The following NCOA6 variants were observed in gnomAD, a reference collection of about 807,000 sequenced individuals.
NCOA6 encodes the protein NRC RAP250.
Under a neutral mutation model 171.4 loss-of-function variants are expected in NCOA6, and 49 were observed. That is an observed-to-expected ratio of 0.29 (90% CI 0.23 to 0.36). The LOEUF (loss-of-function observed/expected upper bound fraction) is 0.36. NCOA6 is among the 10% of genes least tolerant of loss of function. NCOA6 has a pLI of 1.00. For synonymous variants in NCOA6, 910 were observed against 927.5 expected, an observed-to-expected ratio of 0.98 and a Z score of 0.34; for missense variants, 2,248 against 2,554.5, an observed-to-expected ratio of 0.88 and a Z score of 2.59.
Position 34,715,099 on chromosome 20 carries a change from A to T in NCOA6, c.*223T>A. ...TGGCATTAGCTCCTTTCAATACAAG[A>T]CAACATTTTAGAAACCTTGAACTTC... is the stretch of plus-strand genomic sequence containing the variant. On this transcript the variant is annotated 3_prime_UTR_variant, in exon 15 of 15. Coordinates refer to ENST00000359003, the MANE Select transcript of NCOA6 (RefSeq NM_014071.5). 3.9e-6 allele frequency: 2 copies of T among 515,646 alleles called. No homozygotes were observed. Among genetic ancestry groups the T allele is most frequent in the Non-Finnish European group, 7.0e-6 (2 of 284,996 alleles). 31.9% of individuals were successfully genotyped at this position (515,646 alleles called of 1,614,324 possible). A position where few individuals can be genotyped will look rare whatever the true frequency, so the allele number is the denominator to read the frequency against.
intron 14 of NCOA6, among the ~76,000 whole-genome samples, chr20:34,723,264 A>G (rs1989591681): frequency 6.6e-6 from 1 of 152,178 alleles, no homozygotes. Flanking sequence ...CTCCAGGCAG[A>G]TAGTGTCAGA....
intron 8 of NCOA6, among the ~76,000 whole-genome samples, chr20:34,754,192 A>G (rs1393171563): frequency 1.3e-5 from 2 of 152,230 alleles, no homozygotes; most frequent in African/African-American, 4.8e-5. Flanking sequence ...AAAAAGTTGC[A>G]GTTGTCCAAA....
chr20:34,791,410 A>T (rs2077879400), intron 2 of NCOA6, among the ~76,000 whole-genome samples: 1 of 152,216 alleles, frequency 6.6e-6, no homozygotes, highest in Non-Finnish European at 1.5e-5. Context: ...TACATAGAAG[A>T]GTAGCTGCTT....
At chr20:34,739,806 A>C (rs1287962499) in intron 11 of NCOA6, among the ~76,000 whole-genome samples, 1 of 152,150 alleles carries the variant, frequency 6.6e-6, no homozygotes, top group Non-Finnish European at 1.5e-5. Flanking sequence ...AAATTGAAAA[A>C]CTTATATAAA....
chr20:34,807,270 T>C (rs992764915), intron 1 of NCOA6, among the ~76,000 whole-genome samples: 4 of 152,110 alleles, frequency 2.6e-5, no homozygotes, highest in Non-Finnish European at 4.4e-5. Flanking sequence ...CCAACCAAGT[T>C]AGTTTGGAAA....
In NCOA6 at chr20:34,750,188, A is replaced by G. The variant is rs143669257; in HGVS notation, c.2007T>C (p.Asn669=). The G allele has an allele frequency of 2.1e-4, 340 of 1,611,404 alleles. No homozygotes were observed. Among genetic ancestry groups the G allele is most frequent in the Non-Finnish European group, 2.7e-4 (319 of 1,178,592 alleles). ...TCATCCTTTGGGGCGAGGGCCCAAG[A>G]TTTTGGCTCGGGGGGTTCACCATCA... is the stretch of plus-strand genomic sequence containing the variant. ...GQMMVNPPSQ[N]LGPSPQRMTP... is the part of the protein sequence containing the mutation. Residue 669 remains asparagine (N), a synonymous_variant, in exon 9 of 15, where the codon AAT becomes AAC. Coordinates refer to ENST00000359003, the MANE Select transcript of NCOA6 (RefSeq NM_014071.5).
chr20:34,782,709 A>G lies in NCOA6; in HGVS notation c.-49-305T>C, dbSNP rs570425462. ...GATCACAAGAAAATAAAACAAGTAC[A>G]TACTTTTTGAGAATTATAGGCCTTT... On this transcript the variant is annotated intron_variant, in intron 2 of 14. Transcript: ENST00000359003. Among the ~76,000 whole-genome samples, 3 of 152,308 alleles carry G rather than the reference A, an allele frequency of 2.0e-5. No individual in the cohort carries two copies. The East Asian group carries it at 5.8e-4, about 29-fold the overall frequency.
chr20:34,783,951 T>G (rs568981545), intron 2 of NCOA6, among the ~76,000 whole-genome samples: 1 of 114,542 alleles, frequency 8.7e-6, no homozygotes, highest in South Asian at 2.3e-4. Flanking sequence ...TTATGGCACA[T>G]GTCCAGCCTT....
chr20:34,779,285 C>G (rs2077447272), intron 3 of NCOA6, among the ~76,000 whole-genome samples: 1 of 152,006 alleles, frequency 6.6e-6, no homozygotes, highest in African/African-American at 2.4e-5. Flanking sequence ...CCGAGGCGGG[C>G]AGATCACTTG....
intron 11 of NCOA6, among the ~76,000 whole-genome samples, chr20:34,739,098 C>T (rs1361049846): frequency 2.0e-5 from 3 of 152,064 alleles, no homozygotes; most frequent in Non-Finnish European, 4.4e-5. Context: ...GAAGGAGGGG[C>T]GGTTGTAAGG....
At chr20:34,776,707 A>G (rs2077334122) in intron 3 of NCOA6, 1 of 583,384 alleles carries the variant, frequency 1.7e-6, no homozygotes, top group Non-Finnish European at 3.2e-6. Context: ...ACTACTTCAT[A>G]TGATTTTTGG....
rs1568740817 is a variant in NCOA6, at chr20:34,740,781, T to G, written c.5475A>C (p.Gln1825His). Residue 1825 changes from glutamine to histidine, a missense_variant, in exon 11 of 15, where the codon CAA becomes CAC. Physicochemically the swap from Gln to His is conservative, Grantham distance 24. Around this residue, in one of 7 missense-constraint regions of NCOA6, gnomAD observed 884 missense variants for 941.9 expected, o/e 0.94. Transcript: ENST00000359003. ...KGKGKVDKIG[Q>H]ILLTKACKKV... ...TCTTACATGCCTTGGTCAACAAAAT[T>G]TGGCCAATTTTGTCCACTTTTCCTT... The G allele has an allele frequency of 6.2e-7, 1 of 1,614,204 alleles. No homozygotes were observed.
intron 2 of NCOA6, among the ~76,000 whole-genome samples, chr20:34,789,767 A>C (rs553053015): frequency 2.0e-5 from 3 of 152,264 alleles, no homozygotes; most frequent in South Asian, 4.1e-4. Flanking sequence ...TGCTGCTCTG[A>C]GCAACAGAGT....
intron 4 of NCOA6, among the ~76,000 whole-genome samples, chr20:34,770,280 C>T (rs191792566): frequency 6.6e-6 from 1 of 152,056 alleles, no homozygotes; most frequent in African/African-American, 2.4e-5. Flanking sequence ...CCTTGTGATC[C>T]GCCCAAAGTG....
intron 1 of NCOA6, among the ~76,000 whole-genome samples, chr20:34,824,714 T>C (rs998887239): frequency 6.6e-6 from 1 of 152,186 alleles, no homozygotes; most frequent in Non-Finnish European, 1.5e-5. Context: ...TTTTCTCTCA[T>C]CAAACACCTC....
At chr20:34,723,330 T>C (rs1031303613) in intron 14 of NCOA6, among the ~76,000 whole-genome samples, 4 of 152,160 alleles carry the variant, frequency 2.6e-5, no homozygotes, top group African/African-American at 9.7e-5. Flanking sequence ...ACTTGCTTGA[T>C]GTGTGGGGAA....
intron 3 of NCOA6, among the ~76,000 whole-genome samples, chr20:34,777,807 T>C (rs941545883): frequency 6.6e-6 from 1 of 152,208 alleles, no homozygotes; most frequent in African/African-American, 2.4e-5. Context: ...GTACACCATA[T>C]TCATAGCAGC....
Position 34,782,298 on chromosome 20 carries a change from T to C in NCOA6, c.58A>G (p.Thr20Ala), listed in dbSNP as rs141174638. 4.3e-6 allele frequency: 7 copies of C among 1,612,926 alleles called. No homozygotes were observed. The highest frequency in any genetic ancestry group is 1.7e-6 in the Non-Finnish European group (2 of 1,179,590). Reference protein sequence around the residue: ...EDIYTSLCSSTMEDSEMDFDS... With the variant: ...EDIYTSLCSSAMEDSEMDFDS... ...AAATCCATCTCTGAGTCTTCCATTG[T>C]TGATGAACACAAGGAAGTATAGATG... Residue 20 changes from threonine to alanine, a missense_variant, in exon 3 of 15, where the codon ACA becomes GCA. By Grantham distance (58) the Thr-to-Ala change is moderately conservative. Coordinates refer to ENST00000359003, the MANE Select transcript of NCOA6 (RefSeq NM_014071.5).
intron 14 of NCOA6, among the ~76,000 whole-genome samples, chr20:34,721,465 T>C (rs1989332085): frequency 6.6e-6 from 1 of 151,932 alleles, no homozygotes; most frequent in Non-Finnish European, 1.5e-5. Context: ...TCCCCAACCT[T>C]TTTGGCATGG....
Sources: allele counts gnomAD v4.1 joint callset (sites outside exome capture counted in the v4.1 genomes callset), GRCh38; gene constraint gnomAD v4.1.1; regional missense constraint gnomAD v4.1.1; transcripts MANE v1.5; gene names NCBI Gene and HGNC (gene_info 2026-07-23, HGNC 2026-07-21).